Variants in STARD9 observed in about 807,000 individuals in gnomAD.
The protein encoded by STARD9 is stAR-related lipid transfer protein 9.
In STARD9, 346 loss-of-function variants were observed where a neutral mutation model predicts 399.8. That is an observed-to-expected ratio of 0.87 (90% CI 0.79 to 0.95). The LOEUF is 0.95. STARD9 is among the 40% of genes least tolerant of loss of function. STARD9 has a pLI of 0.00. For missense variants in STARD9, 5,832 were observed against 5,667.5 expected, an observed-to-expected ratio of 1.03 and a Z score of -0.93; for synonymous variants, 2,203 against 2,143.5, an observed-to-expected ratio of 1.03 and a Z score of -0.77.
At chr15:42,623,808 A>G (rs1357675255) in intron 3 of STARD9, among the ~76,000 whole-genome samples, 1 of 152,246 alleles carries the variant, frequency 6.6e-6, no homozygotes, top group Non-Finnish European at 1.5e-5. Context: ...TTCACAGCAT[A>G]AAATGGAGAA....
At position 42,685,626 on chromosome 15, in the gene STARD9, C is replaced by G. The variant is rs904841103; in HGVS notation, c.4048C>G (p.Pro1350Ala). 3.9e-6 allele frequency: 6 copies of G among 1,537,378 alleles called. No homozygotes were observed. The highest frequency in any genetic ancestry group is 5.2e-6 in the Non-Finnish European group (6 of 1,146,960). Reference sequence around the variant, plus strand: ...TGACTCTAAGATCAACCCCAGCAGCCCCCCAGGAATAGTGGGTTCTTTATG... The same window carrying G: ...TGACTCTAAGATCAACCCCAGCAGCGCCCCAGGAATAGTGGGTTCTTTATG... ...SCDSKINPSSPPGIVGSLCPS... is the reference protein window; with the variant it reads ...SCDSKINPSSAPGIVGSLCPS... Residue 1350 changes from proline (P) to alanine (A), a missense_variant, in exon 23 of 33, where the codon CCC (proline) becomes GCC (alanine). By Grantham distance (27) the Pro-to-Ala change is conservative. This residue lies in a region of STARD9 where 5,828 missense variants were observed against 5,651.1 expected (regional missense o/e 1.03). Coordinates refer to ENST00000290607, the MANE Select transcript of STARD9 (RefSeq NM_020759.3).
At chr15:42,620,406 G>A (rs149576321) in intron 3 of STARD9, among the ~76,000 whole-genome samples, 1 of 152,038 alleles carries the variant, frequency 6.6e-6, no homozygotes, top group East Asian at 1.9e-4. Flanking sequence ...GTTTGAGCCT[G>A]GGAGGTCAAG....
Position 42,692,348 on chromosome 15 carries a change from C to T in STARD9, c.10770C>T (p.Phe3590=). The T allele has an allele frequency of 6.5e-7, 1 of 1,537,020 alleles. No homozygotes were observed. Among genetic ancestry groups the T allele is most frequent in the African/African-American group, 1.4e-5 (1 of 73,152 alleles). ...PTSGHDRRPQ[F]RGPSGEADCL... ...CGGGTCATGACAGAAGGCCTCAGTT[C>T]AGGGGCCCTTCTGGTGAAGCAGACT... Residue 3590 remains phenylalanine (F), a synonymous_variant, in exon 23 of 33, where the codon TTC becomes TTT. Transcript: ENST00000290607.
chr15:42,665,429 C>G (rs1259324150), intron 14 of STARD9, 99 bp downstream of exon 14: 3 of 906,146 alleles, frequency 3.3e-6, no homozygotes, highest in Non-Finnish European at 3.4e-6. Flanking sequence ...ATTCTATGTT[C>G]TCAATTGACT....
At chr15:42,695,467 C>A (rs1225462796) in intron 25 of STARD9, 144 bp downstream of exon 25, 4 of 865,486 alleles carry the variant, frequency 4.6e-6, no homozygotes, top group Non-Finnish European at 6.9e-6. Flanking sequence ...CAAAGCTGGG[C>A]TCACTGTCTT....
At chr15:42,711,339 C>T (rs924371880) in intron 26 of STARD9, among the ~76,000 whole-genome samples, 5 of 152,130 alleles carry the variant, frequency 3.3e-5, no homozygotes, top group Non-Finnish European at 5.9e-5. Context: ...CGGGGTTTCA[C>T]CATGTTGGCC....
At chr15:42,615,253 G>A (rs1014932019) in intron 3 of STARD9, among the ~76,000 whole-genome samples, 1 of 151,912 alleles carries the variant, frequency 6.6e-6, no homozygotes, top group Admixed American at 6.6e-5. Context: ...CAAGTGATCC[G>A]ATGCCTCCGC....
intron 26 of STARD9, among the ~76,000 whole-genome samples, chr15:42,701,659 G>GA (rs1371155611): frequency 6.6e-6 from 1 of 152,076 alleles, no homozygotes; most frequent in African/African-American, 2.4e-5. Flanking sequence ...AGACCCCAGA[G>GA]AAACCTTAAA....
intron 6 of STARD9, 99 bp downstream of exon 6, chr15:42,638,186 G>T: frequency 9.4e-7 from 1 of 1,063,966 alleles, no homozygotes; most frequent in East Asian, 2.6e-5. Flanking sequence ...AGTCACCACA[G>T]GGATGGAGAA....
In STARD9 at chr15:42,687,630, A is replaced by C; in HGVS notation, c.6052A>C (p.Ser2018Arg). ...TGCATGCCCTCAGGAAAGAAACCCC[A>C]GTGAATGCAAGTCACAAGAAATGTT... is the stretch of plus-strand genomic sequence containing the variant. Reference protein sequence around the residue: ...LVACPQERNPSECKSQEMLNP... With the variant: ...LVACPQERNPRECKSQEMLNP... Residue 2018 changes from serine (S) to arginine (R), a missense_variant, in exon 23 of 33, where the codon AGT becomes CGT. By Grantham distance (110) the Ser-to-Arg change is moderately radical (BLOSUM62 -1). Transcript: ENST00000290607. The C allele has an allele frequency of 6.5e-7, 1 of 1,537,142 alleles. No individual in the cohort carries two copies. The highest frequency in any genetic ancestry group is 8.7e-7 in the Non-Finnish European group (1 of 1,146,922).
chr15:42,644,247 A>C (rs965977319), intron 7 of STARD9, among the ~76,000 whole-genome samples: 1 of 152,238 alleles, frequency 6.6e-6, no homozygotes, highest in African/African-American at 2.4e-5. Flanking sequence ...TAATCCCAGC[A>C]CTTTGGGAGG....
intron 9 of STARD9, among the ~76,000 whole-genome samples, chr15:42,655,735 A>G (rs1201253153): frequency 6.6e-6 from 1 of 152,244 alleles, no homozygotes; most frequent in East Asian, 1.9e-4. Flanking sequence ...AGAGAAATAG[A>G]TGGGACTTAA....
chr15:42,599,218 C>T (rs990344311), intron 3 of STARD9, among the ~76,000 whole-genome samples: 6 of 152,194 alleles, frequency 3.9e-5, no homozygotes, highest in East Asian at 3.8e-4. Context: ...CCATGCCCGG[C>T]GTATACTTGG....
chr15:42,611,752 G>A (rs2058854545), intron 3 of STARD9, among the ~76,000 whole-genome samples: 1 of 152,144 alleles, frequency 6.6e-6, no homozygotes, highest in Admixed American at 6.6e-5. Context: ...AAGGACGAGG[G>A]GTGATTAGGT....
At chr15:42,611,890 G>T (rs578119209) in intron 3 of STARD9, among the ~76,000 whole-genome samples, 20 of 152,280 alleles carry the variant, frequency 1.3e-4, no homozygotes, top group Non-Finnish European at 7.3e-5. Flanking sequence ...GTAACTATAA[G>T]AGACTAATGG....
In STARD9 at chr15:42,691,058, G is replaced by A. The variant is rs1469155573; in HGVS notation, c.9480G>A (p.Gln3160=). The A allele has an allele frequency of 2.0e-6, 3 of 1,537,230 alleles. No individual in the cohort carries two copies. In the South Asian group the frequency reaches 3.6e-5, roughly 18 times the overall value. Reference sequence around the variant, plus strand: ...AGAGCAAGTTGGTGGTAGAGCCACAGCATGAATGTTTAGAAAATACCACTA... The same window carrying A: ...AGAGCAAGTTGGTGGTAGAGCCACAACATGAATGTTTAGAAAATACCACTA... ...SAESKLVVEP[Q]HECLENTTRC... Residue 3160 remains glutamine, a synonymous_variant, in exon 23 of 33, where the codon CAG becomes CAA. Transcript: ENST00000290607.
chr15:42,609,720 G>C (rs1485351437), intron 3 of STARD9, among the ~76,000 whole-genome samples: 2 of 152,036 alleles, frequency 1.3e-5, no homozygotes, highest in African/African-American at 4.8e-5. Context: ...TTACAGGTGT[G>C]AGCCACCGTG....
At chr15:42,615,524 T>A (rs932252914) in intron 3 of STARD9, among the ~76,000 whole-genome samples, 2 of 151,744 alleles carry the variant, frequency 1.3e-5, no homozygotes, top group Admixed American at 6.6e-5. Flanking sequence ...ATCCCATTTT[T>A]AAAAAATATT....
chr15:42,675,728 C>T lies in STARD9; in HGVS notation c.1752C>T (p.Val584=). The change falls in exon 19 of 33, where the codon GTC becomes GTT. Residue 584 remains valine (V), a synonymous_variant. Transcript: ENST00000290607. ...TCAACCACCCAGCAGAGGCTGCTGT[C>T]CTGCGGCAGCGAAGGCAGGTTAGCA... ...FRFNHPAEAA[V]LRQRRQVGEA... The T allele has an allele frequency of 1.3e-6, 2 of 1,537,058 alleles. No homozygotes were observed. Among genetic ancestry groups the T allele is most frequent in the Non-Finnish European group, 1.7e-6 (2 of 1,146,764 alleles).
Sources: gnomAD v4.1 joint callset for allele counts (sites outside exome capture counted in the v4.1 genomes callset) on GRCh38, gnomAD v4.1.1 for gene constraint, gnomAD v4.1.1 regional missense constraint, MANE v1.5 for transcripts, NCBI Gene and HGNC (gene_info 2026-07-23, HGNC 2026-07-21) for gene names.